CADM4: variants seen among roughly 807,000 people sequenced by gnomAD.
CADM4 encodes the protein TSLC1-like 2.
Under a neutral mutation model 43.9 loss-of-function variants are expected in CADM4, and 13 were observed. That is an observed-to-expected ratio of 0.30 (90% CI 0.19 to 0.47). CADM4 has a LOEUF of 0.47. Ranked by LOEUF, CADM4 falls within the 20% of genes least tolerant of loss-of-function variation. The pLI, the probability that CADM4 is intolerant of heterozygous loss-of-function variation, is 1.00. For missense variants in CADM4, 420 were observed against 527.0 expected, an observed-to-expected ratio of 0.80 and a Z score of 1.99; for synonymous variants, 209 against 220.9, an observed-to-expected ratio of 0.95 and a Z score of 0.48.
upstream of CADM4, among the ~76,000 whole-genome samples, chr19:43,640,563 C>T (rs1461883721): frequency 6.6e-6 from 1 of 151,988 alleles, no homozygotes; most frequent in African/African-American, 2.4e-5. Context: ...CGTCATTCTC[C>T]GGGAGGGGCC....
chr19:43,623,008 C>G lies in CADM4; in HGVS notation c.*322G>C, dbSNP rs1165438344. On this transcript the variant is annotated 3_prime_UTR_variant, in exon 9 of 9. Transcript: ENST00000222374. This position sits in a 1 kb window ranked among gnomAD's most constrained non-coding sequence, Gnocchi z 4.4. ...GAAACTGACCCCCTCCCCACAAGAC[C>G]TGGTTTTGTAGCCTAGGGGCCCTGG... 1 of 147,480 alleles carries G rather than the reference C, an allele frequency of 6.8e-6. No individual in the cohort carries two copies. Among genetic ancestry groups the G allele is most frequent in the African/African-American group, 2.6e-5 (1 of 37,760 alleles). 9.1% of individuals were successfully genotyped at this position (147,480 alleles called of 1,614,324 possible).
upstream of CADM4, chr19:43,639,910 G>C (rs1319015392): frequency 2.0e-5 from 15 of 768,976 alleles, no homozygotes; most frequent in Non-Finnish European, 2.2e-5. Flanking sequence ...GCCGAGGCCG[G>C]GGCGGGGCCG....
chr19:43,624,969 A>T, intron 7 of CADM4, 109 bp downstream of exon 7: 2 of 1,231,120 alleles, frequency 1.6e-6, no homozygotes, highest in Non-Finnish European at 2.2e-6. Flanking sequence ...AAACAAAAAG[A>T]ACTCTGTTGG....
chr19:43,627,369 A>G lies in CADM4; in HGVS notation c.212-51T>C. 6.6e-7 allele frequency: 1 copy of G among 1,519,152 alleles called. No individual in the cohort carries two copies. Among genetic ancestry groups the G allele is most frequent in the East Asian group, 2.3e-5 (1 of 43,366 alleles). The allele number at this position is 1,519,152 out of a possible 1,614,324, so 94.1% of individuals were successfully genotyped here. The stretch of plus-strand genomic sequence containing the variant: ...GAATTTCGGGAGTCCTGGCCTCACA[A>G]GTCCCACCCTTCCGACAGGAGCTTA... On this transcript the variant is annotated intron_variant, in intron 2 of 8. Transcript: ENST00000222374. The surrounding 1 kb of genome is among the most constrained non-coding windows in gnomAD (Gnocchi z 4.0).
At chr19:43,640,826 C>T (rs534387493), upstream of CADM4, among the ~76,000 whole-genome samples, 2 of 152,290 alleles carry the variant, frequency 1.3e-5, no homozygotes, top group East Asian at 3.9e-4. Flanking sequence ...TTCTGTGACA[C>T]CCTGTAGACC....
In CADM4 at chr19:43,626,069, G is replaced by A. The variant is rs1325165458; in HGVS notation, c.664+55C>T. The stretch of plus-strand genomic sequence containing the variant: ...CACGCAGGACAAGGGGGACCCTCGC[G>A]GGTGCGGGTGGCTGGCGTTGGGATC... On this transcript the variant is annotated intron_variant, in intron 5 of 8. Transcript: ENST00000222374. The surrounding 1 kb of genome is among the most constrained non-coding windows in gnomAD (Gnocchi z 5.9). 1 of 1,611,792 alleles carries A rather than the reference G, an allele frequency of 6.2e-7. No individual in the cohort carries two copies. The highest frequency in any genetic ancestry group is 8.5e-7 in the Non-Finnish European group (1 of 1,178,620).
Position 43,625,331 on chromosome 19 carries a change from C to T in CADM4, c.756-81G>A. 9 of 1,396,580 alleles carry T rather than the reference C, an allele frequency of 6.4e-6. No homozygotes were observed. The South Asian group carries it at 1.2e-4, about 19-fold the overall frequency. 86.5% of individuals were successfully genotyped at this position (1,396,580 alleles called of 1,614,324 possible). ...CTGACTTGTCAAGAATCTAGACATG[C>T]AACTCTCATCCCGCAGGGACCTCCA... On this transcript the variant is annotated intron_variant, in intron 6 of 8. Transcript: ENST00000222374. The surrounding 1 kb of genome is among the most constrained non-coding windows in gnomAD (Gnocchi z 4.5).
At chr19:43,639,381 G>T (rs1973741942) in intron 1 of CADM4, among the ~76,000 whole-genome samples, 1 of 151,556 alleles carries the variant, frequency 6.6e-6, no homozygotes, top group African/African-American at 2.4e-5. Flanking sequence ...CCAGACGGGG[G>T]GGTTCAGAGA....
In CADM4 at chr19:43,625,209, G is replaced by C. The variant is rs537952842; in HGVS notation, c.797C>G (p.Pro266Arg). The change falls in exon 7 of 9, where the codon CCG (proline) becomes CGG (arginine). Residue 266 changes from proline to arginine, a missense_variant. Pro to Arg is a moderately radical substitution (Grantham distance 103, BLOSUM62 -2). Transcript: ENST00000222374. The surrounding 1 kb of genome is among the most constrained non-coding windows in gnomAD (Gnocchi z 4.5). The part of the protein sequence containing the change: ...IRWNRGNESL[P>R]ERAEAVGETL... ...CTCTCCCACGGCCTCCGCCCTCTCC[G>C]GCAAAGACTCATTCCCGCGGTTCCA... The C allele has an allele frequency of 2.5e-6, 4 of 1,614,190 alleles. No individual in the cohort carries two copies. The highest frequency in any genetic ancestry group is 1.3e-5 in the African/African-American group (1 of 75,060).
intron 1 of CADM4, among the ~76,000 whole-genome samples, chr19:43,635,131 T>C (rs1973682983): frequency 6.6e-6 from 1 of 150,550 alleles, no homozygotes; most frequent in Non-Finnish European, 1.5e-5. Flanking sequence ...CCACGGAGAC[T>C]AAGCAGGGTG....
At chr19:43,629,439 C>T (rs1973583693) in intron 1 of CADM4, among the ~76,000 whole-genome samples, 1 of 152,134 alleles carries the variant, frequency 6.6e-6, no homozygotes, top group Non-Finnish European at 1.5e-5. Flanking sequence ...TTTAGGAAAG[C>T]TGAAAGCCAA....
At chr19:43,629,289 T>C (rs147967088) in intron 1 of CADM4, among the ~76,000 whole-genome samples, 7 of 152,142 alleles carry the variant, frequency 4.6e-5, no homozygotes, top group Admixed American at 2.6e-4. Flanking sequence ...CCCGCCTGTA[T>C]AGGACTGTGA....
chr19:43,623,680 G>T lies in CADM4; in HGVS notation c.1058-241C>A, dbSNP rs73935017. On this transcript the variant is annotated intron_variant, in intron 8 of 8. Transcript: ENST00000222374. This position sits in a 1 kb window ranked among gnomAD's most constrained non-coding sequence, Gnocchi z 4.4. ...GCCACCCTTATCCTTTCTCTTGGAG[G>T]TATTTCCTTGCCCTGCTCCCAGCGA... Among the ~76,000 whole-genome samples the T allele has an allele frequency of 0.017, 2,573 of 152,278 alleles. 68 individuals are homozygous for T. Among genetic ancestry groups the T allele is most frequent in the African/African-American group, 0.059 (2,435 of 41,540 alleles).
At position 43,638,635 on chromosome 19, in the gene CADM4, A is replaced by T. The variant is rs145963508; in HGVS notation, c.64+1092T>A. ...GGGTCACCCAACCTCGGGGGTCTCC[A>T]GCTTCTCACAGTGTGTGATGAGGGT... On this transcript the variant is annotated intron_variant, in intron 1 of 8. Transcript: ENST00000222374. Among the ~76,000 whole-genome samples the T allele has an allele frequency of 2.9e-4, 44 of 152,320 alleles. No homozygotes were observed. The East Asian group carries it at 7.9e-3, about 27-fold the overall frequency.
rs961028848 is a variant in CADM4 at position 43,623,304 on chromosome 19, G to C, written c.*26C>G. 1.3e-6 allele frequency: 2 copies of C among 1,586,268 alleles called. No homozygotes were observed. The highest frequency in any genetic ancestry group is 2.7e-5 in the African/African-American group (2 of 74,348). ...TGGGGGGGACCCCAGCCCAGGCCCA[G>C]GCCTAGGCCTGGGGTGGGGATAGGG... On this transcript the variant is annotated 3_prime_UTR_variant, in exon 9 of 9. Coordinates refer to ENST00000222374, the MANE Select transcript of CADM4 (RefSeq NM_145296.2). The surrounding 1 kb of genome is among the most constrained non-coding windows in gnomAD (Gnocchi z 4.4).
chr19:43,640,483 T>C (rs1220561127), upstream of CADM4, among the ~76,000 whole-genome samples: 1 of 151,498 alleles, frequency 6.6e-6, no homozygotes, highest in Admixed American at 6.6e-5. Context: ...AGGCTGGGGC[T>C]CAGGAGTGGG....
chr19:43,640,649 A>C (rs371786192), upstream of CADM4, among the ~76,000 whole-genome samples: 53 of 152,164 alleles, frequency 3.5e-4, no homozygotes, highest in African/African-American at 1.2e-3. Flanking sequence ...AACACCTTCC[A>C]AGCCCTGGCG....
At chr19:43,631,464 T>A (rs73038867) in intron 1 of CADM4, among the ~76,000 whole-genome samples, 18,502 of 152,232 alleles carry the variant, frequency 0.12, 1,510 homozygotes, top group East Asian at 0.22. Flanking sequence ...AGACAGAGAC[T>A]TCTGGCTTCC....
rs147967088 is a variant in CADM4, at chr19:43,629,289, T to G, written c.65-1499A>C. 2.6e-4 allele frequency among the ~76,000 whole-genome samples: 40 copies of G among 152,258 alleles called. No individual in the cohort carries two copies. In the East Asian group the frequency reaches 7.2e-3, roughly 27 times the overall value. On this transcript the variant is annotated intron_variant, in intron 1 of 8. Coordinates refer to ENST00000222374, the MANE Select transcript of CADM4 (RefSeq NM_145296.2). ...GACTGTCCCCCATGACCCGCCTGTA[T>G]AGGACTGTGATATGAGCAAGAAATA...
Sources: gnomAD v4.1 joint callset for allele counts (sites outside exome capture counted in the v4.1 genomes callset) on GRCh38, gnomAD v4.1.1 for gene constraint, Gnocchi (gnomAD v3.1) non-coding constraint, MANE v1.5 for transcripts, NCBI Gene and HGNC (gene_info 2026-07-23, HGNC 2026-07-21) for gene names.